Variants in TNFRSF21 observed in about 807,000 individuals in gnomAD.
The protein encoded by TNFRSF21 is TNF receptor superfamily member 21, also known as tumor necrosis factor receptor superfamily member 21.
TNFRSF21 carries 19 observed loss-of-function variants against 45.6 expected under a neutral mutation model. That is an observed-to-expected ratio of 0.42 (90% CI 0.29 to 0.61). The LOEUF (loss-of-function observed/expected upper bound fraction) is 0.61, where lower values mean the gene tolerates loss of function less well. TNFRSF21 is among the 20% of genes least tolerant of loss of function. The probability of loss-of-function intolerance (pLI) is 0.23; values close to 1 mark genes in which losing one functional copy is unlikely to be tolerated. For missense variants in TNFRSF21, 737 were observed against 851.5 expected, an observed-to-expected ratio of 0.87 and a Z score of 1.67; for synonymous variants, 314 against 335.5, an observed-to-expected ratio of 0.94 and a Z score of 0.70.
intron 3 of TNFRSF21, among the ~76,000 whole-genome samples, chr6:47,266,471 T>TA (rs1762334600): frequency 6.6e-6 from 1 of 152,056 alleles, no homozygotes; most frequent in South Asian, 2.1e-4. Context: ...ATGGAAGAAA[T>TA]AAAAAATGTT....
In TNFRSF21 at chr6:47,253,392, C is replaced by T. The variant is rs562437201; in HGVS notation, c.1373G>A (p.Arg458Gln). The T allele has an allele frequency of 2.2e-5, 36 of 1,614,148 alleles. No individual in the cohort carries two copies. The Admixed American group carries it at 3.8e-4, about 17-fold the overall frequency. The change falls in exon 4 of 6, where the codon CGG becomes CAG. Residue 458 changes from arginine to glutamine, a missense_variant. Coordinates refer to ENST00000296861, the MANE Select transcript of TNFRSF21 (RefSeq NM_014452.5). ...FSNGYTADHERAYAALQHWTI... is the reference protein window; with the variant it reads ...FSNGYTADHEQAYAALQHWTI... ...CCAGTGCTGCAGAGCTGCGTAGGCC[C>T]GCTCGTGGTCGGCTGTGTACCCATT...
At chr6:47,295,862 T>C (rs6933261) in intron 1 of TNFRSF21, among the ~76,000 whole-genome samples, 12,897 of 150,584 alleles carry the variant, frequency 0.086, 1,792 homozygotes, top group African/African-American at 0.29. Flanking sequence ...TTAAAGCTGG[T>C]GAATATAGAG....
At chr6:47,281,179 G>A (rs1360625588) in intron 3 of TNFRSF21, among the ~76,000 whole-genome samples, 1 of 152,038 alleles carries the variant, frequency 6.6e-6, no homozygotes, top group Admixed American at 6.5e-5. Context: ...ACTGTAGTAT[G>A]TTTTCTGAAG....
Position 47,256,708 on chromosome 6 carries a change from A to G in TNFRSF21, c.1244-3187T>C, listed in dbSNP as rs149729513. 3.1e-3 allele frequency among the ~76,000 whole-genome samples: 469 copies of G among 152,320 alleles called. 1 individual carries two copies. The highest frequency in any genetic ancestry group is 0.01 in the African/African-American group (434 of 41,568). On this transcript the variant is annotated intron_variant, in intron 3 of 5. Coordinates refer to ENST00000296861, the MANE Select transcript of TNFRSF21 (RefSeq NM_014452.5). ...AGCAAATAGACTCCTCAGAAAACCCATAACTGATTTTAAACCCTGCAGGTA... is the reference window on the plus strand; with the variant it reads ...AGCAAATAGACTCCTCAGAAAACCCGTAACTGATTTTAAACCCTGCAGGTA...
chr6:47,292,919 C>T (rs552511262), intron 1 of TNFRSF21, among the ~76,000 whole-genome samples: 1 of 152,144 alleles, frequency 6.6e-6, no homozygotes, highest in Non-Finnish European at 1.5e-5. Context: ...CCATACATAG[C>T]GTTCTGTGAT....
intron 3 of TNFRSF21, among the ~76,000 whole-genome samples, chr6:47,255,757 C>T (rs1481180949): frequency 2.6e-5 from 4 of 152,166 alleles, no homozygotes; most frequent in African/African-American, 7.2e-5. Flanking sequence ...GCCACCATGC[C>T]TGGCCAATAT....
intron 1 of TNFRSF21, among the ~76,000 whole-genome samples, chr6:47,288,397 G>A (rs1425689684): frequency 2.0e-5 from 3 of 152,118 alleles, no homozygotes; most frequent in Non-Finnish European, 2.9e-5. Flanking sequence ...ATTAGAGGAG[G>A]GCATGAGGGG....
At chr6:47,292,621 G>T (rs768971579) in intron 1 of TNFRSF21, among the ~76,000 whole-genome samples, 8 of 152,064 alleles carry the variant, frequency 5.3e-5, no homozygotes, top group Non-Finnish European at 1.2e-4. Context: ...AACCAATCTG[G>T]TACTTTTAAT....
At position 47,283,703 on chromosome 6, in the gene TNFRSF21, C is replaced by T. The variant is rs141412114; in HGVS notation, c.1243+235G>A. ...GTCAATCAGGTCTCTGATTCCACAA[C>T]ATTCTTCTGTTTTAAAGGTACCAGG... is the stretch of plus-strand genomic sequence containing the variant. On this transcript the variant is annotated intron_variant, in intron 3 of 5. Transcript: ENST00000296861. 2.5e-3 allele frequency among the ~76,000 whole-genome samples: 381 copies of T among 152,284 alleles called. 1 individual carries two copies. The highest frequency in any genetic ancestry group is 2.5e-3 in the Non-Finnish European group (168 of 68,018).
chr6:47,297,973 G>C (rs1209251570), intron 1 of TNFRSF21, among the ~76,000 whole-genome samples: 1 of 152,062 alleles, frequency 6.6e-6, no homozygotes, highest in Non-Finnish European at 1.5e-5. Flanking sequence ...AGACTGCACA[G>C]TAAAGAGTTA....
chr6:47,309,689 G>C lies in TNFRSF21; in HGVS notation c.-178C>G. The C allele has an allele frequency of 1.1e-5, 10 of 936,368 alleles. No homozygotes were observed. Among genetic ancestry groups the C allele is most frequent in the Non-Finnish European group, 1.4e-5 (10 of 696,952 alleles). The allele number at this position is 936,368 out of a possible 1,614,324, so 58.0% of individuals were successfully genotyped here. ...GAGGGAGGCGGCAAGGGAGGCTCTA[G>C]GGGCGCTCAGCACCTGCCCAGCGGC... On this transcript the variant is annotated 5_prime_UTR_variant, in exon 1 of 6. Coordinates refer to ENST00000296861, the MANE Select transcript of TNFRSF21 (RefSeq NM_014452.5).
chr6:47,273,241 T>C (rs1762452600), intron 3 of TNFRSF21, among the ~76,000 whole-genome samples: 1 of 152,192 alleles, frequency 6.6e-6, no homozygotes, highest in Admixed American at 6.5e-5. Context: ...ATATCCCTGA[T>C]GAACATCAAT....
intron 4 of TNFRSF21, 22 bp downstream of exon 4, chr6:47,253,232 GAC>G (rs1764928346): frequency 6.2e-7 from 1 of 1,606,618 alleles, no homozygotes; most frequent in African/African-American, 1.3e-5. Flanking sequence ...CGGTGGTAAT[GAC>G]ACACAACAAG....
At chr6:47,289,267 G>C (rs1204088301) in intron 1 of TNFRSF21, among the ~76,000 whole-genome samples, 1 of 152,104 alleles carries the variant, frequency 6.6e-6, no homozygotes, top group East Asian at 1.9e-4. Flanking sequence ...AGTGATCAGA[G>C]TTTCTGTCTT....
intron 3 of TNFRSF21, among the ~76,000 whole-genome samples, chr6:47,277,904 G>A (rs1272202238): frequency 6.6e-6 from 1 of 151,974 alleles, no homozygotes; most frequent in African/African-American, 2.4e-5. Flanking sequence ...ACTCCTACAA[G>A]CATCTCATGC....
Position 47,309,549 on chromosome 6 carries a change from C to A in TNFRSF21, c.-38G>T. The A allele has an allele frequency of 7.1e-7, 1 of 1,400,710 alleles. No homozygotes were observed. Among genetic ancestry groups the A allele is most frequent in the Non-Finnish European group, 9.2e-7 (1 of 1,086,722 alleles). The allele number at this position is 1,400,710 out of a possible 1,614,324, so 86.8% of individuals were successfully genotyped here. ...GACTCGCAGGGGCGCCCGGGGCGCG[C>A]GGGGCAGCTGGAATCGGCGGCTGCT... On this transcript the variant is annotated 5_prime_UTR_variant, in exon 1 of 6. Coordinates refer to ENST00000296861, the MANE Select transcript of TNFRSF21 (RefSeq NM_014452.5).
At chr6:47,234,232 C>T (rs1279665359) in intron 5 of TNFRSF21, among the ~76,000 whole-genome samples, 1 of 152,176 alleles carries the variant, frequency 6.6e-6, no homozygotes, top group African/African-American at 2.4e-5. Flanking sequence ...CCACCTCGGC[C>T]TTCCAAAGTG....
chr6:47,275,274 G>A (rs1173277818), intron 3 of TNFRSF21, among the ~76,000 whole-genome samples: 1 of 152,120 alleles, frequency 6.6e-6, no homozygotes, highest in African/African-American at 2.4e-5. Flanking sequence ...ATCAATGATA[G>A]ACTGGATTAA....
chr6:47,262,441 G>A lies in TNFRSF21; in HGVS notation c.1244-8920C>T, dbSNP rs569657833. Among the ~76,000 whole-genome samples, 6 of 152,306 alleles carry A rather than the reference G, an allele frequency of 3.9e-5. No homozygotes were observed. The South Asian group carries it at 1.2e-3, about 32-fold the overall frequency. On this transcript the variant is annotated intron_variant, in intron 3 of 5. Coordinates refer to ENST00000296861, the MANE Select transcript of TNFRSF21 (RefSeq NM_014452.5). ...CTACTTTGTGCCAGACACTTTTCTA[G>A]GTACAGGAGATATGGCAGTGAACAA...
Sources: gnomAD v4.1 joint callset for allele counts (sites outside exome capture counted in the v4.1 genomes callset) on GRCh38, gnomAD v4.1.1 for gene constraint, MANE v1.5 for transcripts, NCBI Gene and HGNC (gene_info 2026-07-23, HGNC 2026-07-21) for gene names.